PSD3: variants seen among roughly 807,000 people sequenced by gnomAD.
PSD3 encodes the protein PH and SEC7 domain-containing protein 3.
PSD3 carries 49 observed loss-of-function variants against 105.5 expected under a neutral mutation model. The ratio of observed to expected loss-of-function variants is 0.46; its 90% confidence interval spans 0.37 to 0.59. PSD3 has a LOEUF of 0.59. Among genes scored for constraint, PSD3 ranks in the 20% least tolerant of loss-of-function variants. The pLI is 0.00. For missense variants in PSD3, 1,561 were observed against 1,263.8 expected (o/e 1.24, Z -3.57); for synonymous variants, 557 against 457.8 (o/e 1.22, Z -2.77).
chr8:18,634,022 G>A (rs767059479), intron 10 of PSD3, among the ~76,000 whole-genome samples: 2 of 151,934 alleles, frequency 1.3e-5, no homozygotes, highest in Non-Finnish European at 2.9e-5. Flanking sequence ...GATTAGTGAC[G>A]CCGAGTATTT....
At chr8:18,675,972 T>C (rs1800042980) in intron 9 of PSD3, among the ~76,000 whole-genome samples, 1 of 152,160 alleles carries the variant, frequency 6.6e-6, no homozygotes, top group Non-Finnish European at 1.5e-5. Context: ...GCAGAATAGC[T>C]TGTCACCATA....
chr8:18,923,992 A>T (rs1228262578), intron 2 of PSD3, among the ~76,000 whole-genome samples: 1 of 150,404 alleles, frequency 6.6e-6, no homozygotes, highest in African/African-American at 2.5e-5. Context: ...AGACAGTAGA[A>T]ATATGCTTTT....
chr8:19,072,584 T>C (rs1829306751), intron 1 of PSD3, among the ~76,000 whole-genome samples: 1 of 152,128 alleles, frequency 6.6e-6, no homozygotes, highest in African/African-American at 2.4e-5. Flanking sequence ...TCATTTCTAT[T>C]CAGACATGGA....
intron 8 of PSD3, among the ~76,000 whole-genome samples, chr8:18,789,299 C>T (rs2129446109): frequency 6.6e-6 from 1 of 152,264 alleles, no homozygotes; most frequent in East Asian, 1.9e-4. Flanking sequence ...TTCTGATACA[C>T]TGCAACCGAC....
chr8:18,763,432 T>C (rs1332252036), intron 9 of PSD3, among the ~76,000 whole-genome samples: 3 of 152,134 alleles, frequency 2.0e-5, no homozygotes, highest in Non-Finnish European at 4.4e-5. Flanking sequence ...AAAGTTTCTA[T>C]GTATGTATGT....
intron 2 of PSD3, among the ~76,000 whole-genome samples, chr8:18,918,839 C>T (rs928204187): frequency 1.3e-5 from 2 of 152,064 alleles, no homozygotes; most frequent in African/African-American, 2.4e-5. Context: ...GTACCTGTAC[C>T]GTGCCCCTTT....
Position 18,867,906 on chromosome 8 carries a change from G to C in PSD3, c.1402C>G (p.Pro468Ala). The change falls in exon 4 of 16, where the codon CCT (proline) becomes GCT (alanine). Residue 468 changes from proline (P) to alanine (A), a missense_variant. Pro to Ala is a conservative substitution (Grantham distance 27). Coordinates refer to ENST00000327040, the MANE Select transcript of PSD3 (RefSeq NM_015310.4). Reference protein sequence around the residue: ...AESLETLYSEPDSYFSFEMPL... With the variant: ...AESLETLYSEADSYFSFEMPL... The stretch of plus-strand genomic sequence containing the variant: ...ATTTCAAAGCTAAAATAGCTATCAG[G>C]CTCTGAGTATAATGTCTCCAGGGAC... 10 of 1,614,160 alleles carry C rather than the reference G, an allele frequency of 6.2e-6. No homozygotes were observed. Among genetic ancestry groups the C allele is most frequent in the Non-Finnish European group, 7.6e-6 (9 of 1,180,028 alleles).
chr8:18,840,194 C>A (rs1446945539), intron 4 of PSD3, among the ~76,000 whole-genome samples: 1 of 152,154 alleles, frequency 6.6e-6, no homozygotes, highest in African/African-American at 2.4e-5. Context: ...CTACCACCCA[C>A]CTGCAAATGT....
Position 18,845,069 on chromosome 8 carries a change from T to C in PSD3, c.1634+22605A>G, listed in dbSNP as rs565211846. Among the ~76,000 whole-genome samples, 13 of 152,256 alleles carry C rather than the reference T, an allele frequency of 8.5e-5. No homozygotes were observed. The South Asian group carries it at 1.0e-3, about 12-fold the overall frequency. On this transcript the variant is annotated intron_variant, in intron 4 of 15. Coordinates refer to ENST00000327040, the MANE Select transcript of PSD3 (RefSeq NM_015310.4). The stretch of plus-strand genomic sequence containing the variant: ...TATGTAAAGGGGATAAAATTTTAAC[T>C]TGAGGATAAGTATATTCTAAAGGAA...
intron 10 of PSD3, among the ~76,000 whole-genome samples, chr8:18,634,598 T>G (rs1462354057): frequency 6.6e-6 from 1 of 152,160 alleles, no homozygotes; most frequent in Non-Finnish European, 1.5e-5. Context: ...CGTCTTCCAG[T>G]CTGTAACAGT....
intron 9 of PSD3, among the ~76,000 whole-genome samples, chr8:18,679,175 A>G (rs1322233019): frequency 2.0e-5 from 3 of 152,222 alleles, no homozygotes; most frequent in African/African-American, 7.2e-5. Flanking sequence ...AGAAATGACA[A>G]CAATCTGCAA....
At chr8:18,776,271 T>C (rs1433238599) in intron 8 of PSD3, among the ~76,000 whole-genome samples, 1 of 142,260 alleles carries the variant, frequency 7.0e-6, no homozygotes, top group African/African-American at 2.8e-5. Flanking sequence ...TATATATATA[T>C]AATGTATAAA....
chr8:18,703,574 C>A (rs537625107), intron 9 of PSD3, among the ~76,000 whole-genome samples: 1 of 152,060 alleles, frequency 6.6e-6, no homozygotes, highest in South Asian at 2.1e-4. Flanking sequence ...GAAAAGAGAT[C>A]CCATATAGAG....
At chr8:18,829,446 T>C (rs1328558094) in intron 4 of PSD3, among the ~76,000 whole-genome samples, 1 of 152,196 alleles carries the variant, frequency 6.6e-6, no homozygotes, top group Admixed American at 6.5e-5. Context: ...ATTCCCTTTA[T>C]CTAAAACGTT....
intron 12 of PSD3, among the ~76,000 whole-genome samples, chr8:18,579,597 G>T (rs1018012361): frequency 6.6e-6 from 1 of 152,078 alleles, no homozygotes; most frequent in Admixed American, 6.6e-5. Context: ...TCCATTAAAA[G>T]CATGAAATAA....
intron 9 of PSD3, among the ~76,000 whole-genome samples, chr8:18,723,445 T>C (rs1054645105): frequency 6.6e-6 from 1 of 152,254 alleles, no homozygotes; most frequent in Non-Finnish European, 1.5e-5. Context: ...AGATCTTCAG[T>C]AGCTATTTTA....
chr8:18,632,553 T>C (rs997484721), intron 11 of PSD3, 60 bp downstream of exon 11: 2 of 1,520,042 alleles, frequency 1.3e-6, no homozygotes, highest in Non-Finnish European at 1.8e-6. Context: ...AAATTCCCTT[T>C]AAATTTTGAG....
intron 12 of PSD3, among the ~76,000 whole-genome samples, chr8:18,585,468 C>T (rs922026345): frequency 6.6e-6 from 1 of 152,098 alleles, no homozygotes; most frequent in African/African-American, 2.4e-5. Context: ...CAGGCAAGTA[C>T]CACTATGTCT....
At chr8:18,613,764 C>G (rs563749188) in intron 11 of PSD3, among the ~76,000 whole-genome samples, 1 of 152,188 alleles carries the variant, frequency 6.6e-6, no homozygotes, top group African/African-American at 2.4e-5. Context: ...GCCTGCACCA[C>G]TGGCAACCTT....
Sources: allele counts gnomAD v4.1 joint callset (sites outside exome capture counted in the v4.1 genomes callset), GRCh38; gene constraint gnomAD v4.1.1; transcripts MANE v1.5; gene names NCBI Gene and HGNC (gene_info 2026-07-23, HGNC 2026-07-21).